HEATR5B: variants seen among roughly 807,000 people sequenced by gnomAD.
HEATR5B encodes the protein HEAT repeat-containing protein 5B.
A neutral mutation model predicts 224.1 loss-of-function variants in HEATR5B; 156 were observed. That is an observed-to-expected ratio of 0.70 (90% CI 0.61 to 0.80). The LOEUF (loss-of-function observed/expected upper bound fraction) is 0.80. Among genes scored for constraint, HEATR5B ranks in the 30% least tolerant of loss-of-function variants. HEATR5B has a pLI of 0.00. For missense variants in HEATR5B, 2,323 were observed against 2,535.5 expected (o/e 0.92, Z 1.80); for synonymous variants, 1,027 against 893.0 (o/e 1.15, Z -2.68).
chr2:37,080,060 C>G (rs1482218927), intron 2 of HEATR5B, among the ~76,000 whole-genome samples: 2 of 152,168 alleles, frequency 1.3e-5, no homozygotes, highest in African/African-American at 4.8e-5. Flanking sequence ...AGGGGAAGAA[C>G]ATTCCAGGCT....
At chr2:37,038,928 T>A (rs1669700928) in intron 20 of HEATR5B, among the ~76,000 whole-genome samples, 5 of 143,008 alleles carry the variant, frequency 3.5e-5, no homozygotes, top group African/African-American at 7.9e-5. Context: ...GGGAATCACA[T>A]ATTTTTCAAT....
chr2:37,021,301 G>A (rs1036515676), intron 24 of HEATR5B, among the ~76,000 whole-genome samples: 1 of 152,164 alleles, frequency 6.6e-6, no homozygotes, highest in Non-Finnish European at 1.5e-5. Context: ...TCACAACTGT[G>A]TGTCATTGCC....
intron 35 of HEATR5B, among the ~76,000 whole-genome samples, chr2:36,988,132 A>G (rs1666070214): frequency 6.6e-6 from 1 of 152,010 alleles, no homozygotes; most frequent in South Asian, 2.1e-4. Context: ...AGGGATGCAT[A>G]CATTCCTAGA....
At chr2:37,006,002 G>C (rs1667391948) in intron 29 of HEATR5B, among the ~76,000 whole-genome samples, 1 of 152,110 alleles carries the variant, frequency 6.6e-6, no homozygotes, top group Non-Finnish European at 1.5e-5. Flanking sequence ...CATGCCATCA[G>C]GTTGATTATG....
At position 36,981,782 on chromosome 2, in the gene HEATR5B, A is replaced by C; in HGVS notation, c.5924T>G (p.Leu1975Arg). The change falls in exon 36 of 36, where the codon CTT becomes CGT. Residue 1975 changes from leucine to arginine, a missense_variant. Leu to Arg is a moderately radical substitution (Grantham distance 102). Around this residue, in one of 12 missense-constraint regions of HEATR5B, gnomAD observed 844 missense variants for 812.9 expected, o/e 1.04. Coordinates refer to ENST00000233099, the MANE Select transcript of HEATR5B (RefSeq NM_019024.3). ...LGEEQNRVQL[L>R]ALLVPTLISY... ...TATCAAAGTGGGAACTAAAAGAGCA[A>C]GTAGCTGGACTCCTGTAAATAATAA... 6.2e-7 allele frequency: 1 copy of C among 1,609,780 alleles called. No homozygotes were observed. The highest frequency in any genetic ancestry group is 1.3e-5 in the African/African-American group (1 of 74,766).
In HEATR5B at chr2:37,061,934, T is replaced by C; in HGVS notation, c.1696+5A>G. The stretch of plus-strand genomic sequence containing the variant: ...GACAAAAATCCTACTCAAATATAAT[T>C]ATACCTAAAGTCATAAGTGCTCCAA... On this transcript the variant is annotated splice_donor_5th_base_variant and intron_variant, in intron 11 of 35. Transcript: ENST00000233099. 1 of 1,574,726 alleles carries C rather than the reference T, an allele frequency of 6.4e-7. No individual in the cohort carries two copies.
At position 37,037,879 on chromosome 2, in the gene HEATR5B, T is replaced by G. The variant is rs778876408; in HGVS notation, c.3192A>C (p.Leu1064=). 1 of 1,589,946 alleles carries G rather than the reference T, an allele frequency of 6.3e-7. No individual in the cohort carries two copies. Among genetic ancestry groups the G allele is most frequent in the Admixed American group, 1.7e-5 (1 of 58,254 alleles). ...LHMFAPRHVN[L]SSLVPSLCVH... is the part of the protein sequence containing the mutation. ...CACAAAGGCTAGGAACAAGGCTAGA[T>G]AGATTGACATGTCGTGGTGCAAACA... Residue 1064 remains leucine (L), a synonymous_variant, in exon 21 of 36, where the codon CTA becomes CTC. Transcript: ENST00000233099.
chr2:37,064,051 T>A (rs192279091), intron 10 of HEATR5B, among the ~76,000 whole-genome samples: 2 of 152,294 alleles, frequency 1.3e-5, no homozygotes, highest in East Asian at 3.9e-4. Context: ...TGATCTCAAA[T>A]GATCCACCTG....
chr2:37,029,936 AAAATAAATAAATAAAT>A (rs150155666), intron 22 of HEATR5B, among the ~76,000 whole-genome samples: 3,231 of 142,528 alleles, frequency 0.023, 114 homozygotes, highest in African/African-American at 0.08. Context: ...TCTATCTCAA[AAAATAAATAAATAAAT>A]AAATAAATAA....
intron 33 of HEATR5B, among the ~76,000 whole-genome samples, chr2:36,997,616 G>C (rs1052180855): frequency 1.4e-4 from 19 of 133,832 alleles, no homozygotes; most frequent in African/African-American, 5.6e-4. Flanking sequence ...GCCCAGGCTG[G>C]AGTGCAGTGG....
chr2:37,066,193 C>T (rs751400253), intron 8 of HEATR5B, among the ~76,000 whole-genome samples: 1 of 152,152 alleles, frequency 6.6e-6, no homozygotes, highest in African/African-American at 2.4e-5. Flanking sequence ...TATAAAAGCA[C>T]AGATACTGCA....
rs773299949 is a variant in HEATR5B at position 37,016,476 on chromosome 2, G to C, written c.4105-2456C>G. Among the ~76,000 whole-genome samples, 248 of 152,066 alleles carry C rather than the reference G, an allele frequency of 1.6e-3. 1 individual carries two copies. Among genetic ancestry groups the C allele is most frequent in the Non-Finnish European group, 9.4e-4 (64 of 67,978 alleles). Reference sequence around the variant, plus strand: ...TTTTTTTCAGAGTTCACAACTTTTGGGTAAAAGGTAATAAGGTACCTGAAC... The same window carrying C: ...TTTTTTTCAGAGTTCACAACTTTTGCGTAAAAGGTAATAAGGTACCTGAAC... On this transcript the variant is annotated intron_variant, in intron 26 of 35. Transcript: ENST00000233099.
intron 14 of HEATR5B, 140 bp from the exon 15 acceptor site, chr2:37,057,620 T>G: frequency 1.8e-6 from 1 of 559,812 alleles, no homozygotes; most frequent in Admixed American, 3.8e-5. Flanking sequence ...AAATCTATAT[T>G]TAAATGCTGG....
intron 27 of HEATR5B, among the ~76,000 whole-genome samples, chr2:37,010,491 G>A (rs544184539): frequency 6.7e-6 from 1 of 149,518 alleles, no homozygotes; most frequent in Admixed American, 6.7e-5. Flanking sequence ...GTACATGCTT[G>A]TTTCCCCCCT....
rs1243258092 is a variant in HEATR5B at position 37,045,027 on chromosome 2, C to T, written c.2697-3735G>A. Among the ~76,000 whole-genome samples, 6 of 152,158 alleles carry T rather than the reference C, an allele frequency of 3.9e-5. No homozygotes were observed. The East Asian group carries it at 9.6e-4, about 24-fold the overall frequency. ...AACCTTCTGTAAATCCTATCCAGTG[C>T]ATTTTTTCATTTCATACATTTTACA... On this transcript the variant is annotated intron_variant, in intron 18 of 35. Coordinates refer to ENST00000233099, the MANE Select transcript of HEATR5B (RefSeq NM_019024.3).
chr2:37,013,006 C>T (rs969511080), intron 27 of HEATR5B, among the ~76,000 whole-genome samples: 1 of 152,176 alleles, frequency 6.6e-6, no homozygotes, highest in Admixed American at 6.5e-5. Context: ...ATATATCTCA[C>T]CCCCGTATTC....
Position 36,981,444 on chromosome 2 carries a change from T to A in HEATR5B, c.*46A>T, listed in dbSNP as rs140709974. On this transcript the variant is annotated 3_prime_UTR_variant, in exon 36 of 36. Coordinates refer to ENST00000233099, the MANE Select transcript of HEATR5B (RefSeq NM_019024.3). ...GGAATGATACAGTGGCCATCACTAATTAGGGGCTAGTTGACAACATAAATA... is the reference window on the plus strand; with the variant it reads ...GGAATGATACAGTGGCCATCACTAAATAGGGGCTAGTTGACAACATAAATA... 6 of 1,461,790 alleles carry A rather than the reference T, an allele frequency of 4.1e-6. No individual in the cohort carries two copies. The East Asian group carries it at 1.4e-4, about 34-fold the overall frequency. 90.6% of individuals were successfully genotyped at this position (1,461,790 alleles called of 1,614,324 possible). A position where few individuals can be genotyped will look rare whatever the true frequency, so the allele number is the denominator to read the frequency against.
intron 35 of HEATR5B, among the ~76,000 whole-genome samples, chr2:36,985,060 G>A (rs6712162): frequency 0.21 from 31,526 of 152,034 alleles, 4,240 homozygotes; most frequent in East Asian, 0.64. Flanking sequence ...TTCTTATACC[G>A]GATACTGTAA....
chr2:37,052,482 T>C (rs981659409), intron 17 of HEATR5B, among the ~76,000 whole-genome samples: 1 of 152,226 alleles, frequency 6.6e-6, no homozygotes, highest in Non-Finnish European at 1.5e-5. Flanking sequence ...CTAACACAAA[T>C]TCCTTTTTCC....
Sources: allele counts gnomAD v4.1 joint callset (sites outside exome capture counted in the v4.1 genomes callset), GRCh38; gene constraint gnomAD v4.1.1; regional missense constraint gnomAD v4.1.1; transcripts MANE v1.5; gene names NCBI Gene and HGNC (gene_info 2026-07-23, HGNC 2026-07-21).